KCNH4: variants seen among roughly 807,000 people sequenced by gnomAD.
The protein encoded by KCNH4 is voltage-gated delayed rectifier potassium channel KCNH4.
In KCNH4, 33 loss-of-function variants were observed where a neutral mutation model predicts 90.7. The ratio of observed to expected loss-of-function variants is 0.36; its 90% confidence interval spans 0.28 to 0.49. The LOEUF is 0.49. Ranked by LOEUF, KCNH4 falls within the 20% of genes least tolerant of loss-of-function variation. The pLI is 0.98. For synonymous variants in KCNH4, 551 were observed against 581.7 expected (o/e 0.95, Z 0.76); for missense variants, 1,044 against 1,387.1 (o/e 0.75, Z 3.93).
intron 16 of KCNH4, among the ~76,000 whole-genome samples, chr17:42,158,082 C>T (rs2079720897): frequency 6.6e-6 from 1 of 151,894 alleles, no homozygotes; most frequent in Admixed American, 6.6e-5. Flanking sequence ...GCATGCACCA[C>T]CATCCCAGCT....
At chr17:42,160,494 C>G (rs1007501042) in intron 15 of KCNH4, 59 bp from the exon 16 acceptor site, 4 of 1,494,740 alleles carry the variant, frequency 2.7e-6, no homozygotes, top group Non-Finnish European at 3.6e-6. Flanking sequence ...GGTGCACCCC[C>G]CTCTCCAGTT....
At chr17:42,174,700 G>C (rs2079850215) in intron 6 of KCNH4, among the ~76,000 whole-genome samples, 1 of 152,112 alleles carries the variant, frequency 6.6e-6, no homozygotes, top group Non-Finnish European at 1.5e-5. Context: ...ACACGGGGTA[G>C]CACTGCCCCA....
rs777650343 is a variant in KCNH4, at chr17:42,176,305, G to C, written c.586-8C>G. 1.2e-6 allele frequency: 2 copies of C among 1,604,164 alleles called. No individual in the cohort carries two copies. Among genetic ancestry groups the C allele is most frequent in the South Asian group, 2.2e-5 (2 of 90,946 alleles). The stretch of plus-strand genomic sequence containing the variant: ...CTTTGGCTCAAACACGTTCTAAGGG[G>C]AGAGGGGTGGCGGTTGGGGACACTT... On this transcript the variant is annotated splice_region_variant and splice_polypyrimidine_tract_variant and intron_variant, in intron 4 of 16. Transcript: ENST00000264661.
chr17:42,158,529 T>TA (rs2079723733), intron 16 of KCNH4, among the ~76,000 whole-genome samples: 6 of 120,574 alleles, frequency 5.0e-5, no homozygotes, highest in African/African-American at 1.0e-4. Context: ...AGACTCCGTC[T>TA]CAAAAAAAAA....
chr17:42,173,276 T>C (rs1274600563), intron 6 of KCNH4, among the ~76,000 whole-genome samples: 2 of 151,920 alleles, frequency 1.3e-5, no homozygotes, highest in East Asian at 1.9e-4. Context: ...GCCCTGGCCC[T>C]ACACTGCTCC....
In KCNH4 at chr17:42,171,955, C is replaced by A; in HGVS notation, c.1028G>T (p.Arg343Leu). 6.2e-7 allele frequency: 1 copy of A among 1,610,024 alleles called. No homozygotes were observed. The highest frequency in any genetic ancestry group is 8.5e-7 in the Non-Finnish European group (1 of 1,178,818). ...CAGCTTCTGCAGCAGCCGCAGCAGC[C>A]GCAACAGCCGCACTGTCTTCAGTAG... The part of the protein sequence containing the change: ...VHLLKTVRLL[R>L]LLRLLQKLER... Residue 343 changes from arginine (R) to leucine (L), a missense_variant, in exon 7 of 17, where the codon CGG becomes CTG. By Grantham distance (102) the Arg-to-Leu change is moderately radical. Around this residue, in one of 4 missense-constraint regions of KCNH4, gnomAD observed 318 missense variants for 479.6 expected, o/e 0.66. Transcript: ENST00000264661.
At chr17:42,160,891 A>G (rs1250267781) in intron 15 of KCNH4, among the ~76,000 whole-genome samples, 1 of 148,266 alleles carries the variant, frequency 6.7e-6, no homozygotes, top group African/African-American at 2.5e-5. Context: ...TGCATTTAAT[A>G]GGTTGTCAGG....
Position 42,175,574 on chromosome 17 carries a change from C to T in KCNH4, c.987+5G>A. On this transcript the variant is annotated splice_donor_5th_base_variant and intron_variant, in intron 6 of 16. Coordinates refer to ENST00000264661, the MANE Select transcript of KCNH4 (RefSeq NM_012285.3). ...GGACTGGATGGCGGGATGGAGGTCACTCACCACGGTGATGTTGAAGATGTA... is the reference window on the plus strand; with the variant it reads ...GGACTGGATGGCGGGATGGAGGTCATTCACCACGGTGATGTTGAAGATGTA... 6.2e-7 allele frequency: 1 copy of T among 1,614,126 alleles called. No individual in the cohort carries two copies. Among genetic ancestry groups the T allele is most frequent in the Non-Finnish European group, 8.5e-7 (1 of 1,179,996 alleles).
Position 42,169,543 on chromosome 17 carries a change from G to C in KCNH4, c.1524C>G (p.Leu508=). ...GGAAGTATTCGAGCATGCGCTGCTT[G>C]AGCGGCCGCGGCAGGCGGTGCACAC... ...FIRVHRLPRP[L]KQRMLEYFQT... is the part of the protein sequence containing the mutation. The change falls in exon 9 of 17, where the codon CTC becomes CTG. Residue 508 remains leucine, a synonymous_variant. Coordinates refer to ENST00000264661, the MANE Select transcript of KCNH4 (RefSeq NM_012285.3). The C allele has an allele frequency of 6.2e-7, 1 of 1,613,572 alleles. No homozygotes were observed. The highest frequency in any genetic ancestry group is 8.5e-7 in the Non-Finnish European group (1 of 1,180,014).
chr17:42,175,959 A>T, intron 5 of KCNH4, 95 bp downstream of exon 5: 1 of 1,409,444 alleles, frequency 7.1e-7, no homozygotes, highest in Non-Finnish European at 9.7e-7. Flanking sequence ...GGGGCTCTGA[A>T]TGTCTGGGTC....
At chr17:42,177,392 T>C (rs979406578) in intron 4 of KCNH4, among the ~76,000 whole-genome samples, 4 of 147,068 alleles carry the variant, frequency 2.7e-5, no homozygotes, top group Non-Finnish European at 6.0e-5. Context: ...AGAAAAGGGG[T>C]CTCACTATGT....
rs751295319 is a variant in KCNH4 at position 42,160,039 on chromosome 17, G to A, written c.*1C>T. On this transcript the variant is annotated 3_prime_UTR_variant, in exon 16 of 17. Coordinates refer to ENST00000264661, the MANE Select transcript of KCNH4 (RefSeq NM_012285.3). ...AGACAGGCCTGGGCCCTGGGCCAGG[G>A]TCAGTGGAACGTGTCTGACCTGGAC... The A allele has an allele frequency of 5.3e-6, 8 of 1,516,658 alleles. No individual in the cohort carries two copies. In the Admixed American group the frequency reaches 1.5e-4, roughly 29 times the overall value. The allele number at this position is 1,516,658 out of a possible 1,614,324, so 94.0% of individuals were successfully genotyped here. A position where few individuals can be genotyped will look rare whatever the true frequency, so the allele number is the denominator to read the frequency against.
chr17:42,169,532 A>G lies in KCNH4; in HGVS notation c.1535T>C (p.Met512Thr). 6.2e-7 allele frequency: 1 copy of G among 1,613,560 alleles called. No homozygotes were observed. The highest frequency in any genetic ancestry group is 8.5e-7 in the Non-Finnish European group (1 of 1,180,012). ...HRLPRPLKQR[M>T]LEYFQTTWAV... ...CCACGTGGTCTGGAAGTATTCGAGC[A>G]TGCGCTGCTTGAGCGGCCGCGGCAG... Residue 512 changes from methionine to threonine, a missense_variant, in exon 9 of 17, where the codon ATG becomes ACG. Around this residue, in one of 4 missense-constraint regions of KCNH4, gnomAD observed 318 missense variants for 479.6 expected, o/e 0.66. Transcript: ENST00000264661.
rs2079893604 is a variant in KCNH4, at chr17:42,180,479, G to A, written c.76+391C>T. ...CTTTTCTCCTTTTTTTCTGGAGGTA[G>A]TGGGAGCTGGAGTCTGTGAGTAGAC... On this transcript the variant is annotated intron_variant, in intron 1 of 16. Transcript: ENST00000264661. The surrounding 1 kb of genome is among the most constrained non-coding windows in gnomAD (Gnocchi z 4.7). Among the ~76,000 whole-genome samples, 1 of 152,074 alleles carries A rather than the reference G, an allele frequency of 6.6e-6. No homozygotes were observed. Among genetic ancestry groups the A allele is most frequent in the Admixed American group, 6.5e-5 (1 of 15,270 alleles).
intron 4 of KCNH4, 102 bp downstream of exon 4, chr17:42,177,998 G>C: frequency 6.8e-7 from 1 of 1,479,568 alleles, no homozygotes; most frequent in Middle Eastern, 2.4e-4. Context: ...GCAAGCCAAG[G>C]AGGGACACCA....
Position 42,163,348 on chromosome 17 carries a change from A to G in KCNH4, c.2478-14T>C, listed in dbSNP as rs1389528979. 1.9e-6 allele frequency: 3 copies of G among 1,584,324 alleles called. No homozygotes were observed. The South Asian group carries it at 3.3e-5, about 18-fold the overall frequency. On this transcript the variant is annotated splice_polypyrimidine_tract_variant and intron_variant, in intron 13 of 16. Transcript: ENST00000264661. The surrounding 1 kb of genome is among the most constrained non-coding windows in gnomAD (Gnocchi z 5.4). ...CCATCCACTATCCTGGGAACAGGGC[A>G]GTGCTCATCAGCACCATGGGGTGAG...
At position 42,160,127 on chromosome 17, in the gene KCNH4, C is replaced by T. The variant is rs776113867; in HGVS notation, c.2967G>A (p.Leu989=). 1.9e-6 allele frequency: 3 copies of T among 1,605,536 alleles called. No individual in the cohort carries two copies. Among genetic ancestry groups the T allele is most frequent in the Non-Finnish European group, 2.6e-6 (3 of 1,175,110 alleles). ...AGGCCTCTGGCACTGGAGAGGGTCCCAGAGGGTCAGGCTCTGAGGGGTAGG... is the reference window on the plus strand; with the variant it reads ...AGGCCTCTGGCACTGGAGAGGGTCCTAGAGGGTCAGGCTCTGAGGGGTAGG... ...LPPYPSEPDP[L]GPSPVPEASP... Residue 989 remains leucine (L), a synonymous_variant, in exon 16 of 17, where the codon CTG becomes CTA. Coordinates refer to ENST00000264661, the MANE Select transcript of KCNH4 (RefSeq NM_012285.3).
intron 9 of KCNH4, among the ~76,000 whole-genome samples, chr17:42,168,803 G>A (rs1475689222): frequency 6.6e-6 from 1 of 150,426 alleles, no homozygotes; most frequent in African/African-American, 2.5e-5. Flanking sequence ...ACAGAGTCTC[G>A]CTCTGCCGCC....
At position 42,180,010 on chromosome 17, in the gene KCNH4, A is replaced by G. The variant is rs1354352005; in HGVS notation, c.76+860T>C. ...GCAGGGAGGCTGATGGGGACACTGAAGGTGCCTGGGAGGCACTGGGCTCTG... is the reference window on the plus strand; with the variant it reads ...GCAGGGAGGCTGATGGGGACACTGAGGGTGCCTGGGAGGCACTGGGCTCTG... On this transcript the variant is annotated intron_variant, in intron 1 of 16. Coordinates refer to ENST00000264661, the MANE Select transcript of KCNH4 (RefSeq NM_012285.3). The surrounding 1 kb of genome is among the most constrained non-coding windows in gnomAD (Gnocchi z 4.7). Among the ~76,000 whole-genome samples, 2 of 152,224 alleles carry G rather than the reference A, an allele frequency of 1.3e-5. No homozygotes were observed. Among genetic ancestry groups the G allele is most frequent in the African/African-American group, 2.4e-5 (1 of 41,460 alleles).
Sources: allele counts gnomAD v4.1 joint callset (sites outside exome capture counted in the v4.1 genomes callset), GRCh38; gene constraint gnomAD v4.1.1; regional missense constraint gnomAD v4.1.1; non-coding constraint Gnocchi (gnomAD v3.1); transcripts MANE v1.5; gene names NCBI Gene and HGNC (gene_info 2026-07-23, HGNC 2026-07-21).